The following FRMD4B variants were observed in gnomAD, a reference collection of about 807,000 sequenced individuals.
FRMD4B encodes FERM domain-containing protein 4B.
In FRMD4B, 74 loss-of-function variants were observed where a neutral mutation model predicts 141.5. That is an observed-to-expected ratio of 0.52 (90% confidence interval 0.43 to 0.63). The LOEUF is 0.63. Among genes scored for constraint, FRMD4B ranks in the 30% least tolerant of loss-of-function variants. FRMD4B has a pLI of 0.00. For missense variants in FRMD4B, 1,366 were observed against 1,253.4 expected, an observed-to-expected ratio of 1.09 and a Z score of -1.36; for synonymous variants, 506 against 467.9, an observed-to-expected ratio of 1.08 and a Z score of -1.05.
chr3:69,300,003 A>G (rs1376369847), intron 4 of FRMD4B, among the ~76,000 whole-genome samples: 2 of 152,180 alleles, frequency 1.3e-5, no homozygotes, highest in African/African-American at 4.8e-5. Flanking sequence ...TCTATTCTTC[A>G]GTCAAACAGG....
chr3:69,216,325 G>A lies in FRMD4B; in HGVS notation c.814C>T (p.Leu272Phe), dbSNP rs146672127. Residue 272 changes from leucine to phenylalanine, a missense_variant, in exon 11 of 23, where the codon CTT becomes TTT. By Grantham distance (22) the Leu-to-Phe change is conservative. Transcript: ENST00000398540. ...VKDKQGLPWW[L>F]GISYKGIGQY... is the part of the protein sequence containing the mutation. The stretch of plus-strand genomic sequence containing the variant: ...CCAATTCCCTTATAGCTTATTCCAA[G>A]CCACCAAGGAAGTCCTTGCTTATCC... 6.4e-7 allele frequency: 1 copy of A among 1,568,882 alleles called. No individual in the cohort carries two copies. The highest frequency in any genetic ancestry group is 1.2e-5 in the South Asian group (1 of 86,264).
At chr3:69,291,571 A>G (rs1700876084) in intron 4 of FRMD4B, among the ~76,000 whole-genome samples, 1 of 152,154 alleles carries the variant, frequency 6.6e-6, no homozygotes, top group Non-Finnish European at 1.5e-5. Flanking sequence ...TTTCTGCTCT[A>G]CTAAAACTCC....
chr3:69,296,468 A>G (rs551479300), intron 4 of FRMD4B, among the ~76,000 whole-genome samples: 1 of 152,294 alleles, frequency 6.6e-6, no homozygotes, highest in East Asian at 1.9e-4. Context: ...GAAGGCCATT[A>G]AACGCCTGCC....
chr3:69,359,775 G>A (rs1226112916), intron 1 of FRMD4B, among the ~76,000 whole-genome samples: 4 of 152,190 alleles, frequency 2.6e-5, no homozygotes, highest in African/African-American at 4.8e-5. Flanking sequence ...CATAAGGCAC[G>A]TGCAGTTTTT....
chr3:69,496,496 T>C (rs1035291523), intron 1 of FRMD4B, among the ~76,000 whole-genome samples: 3 of 152,230 alleles, frequency 2.0e-5, no homozygotes, highest in African/African-American at 7.2e-5. Flanking sequence ...AGACACATGC[T>C]CTTTTTTGTT....
rs1009697494 is a variant in FRMD4B at position 69,438,790 on chromosome 3, C to T, written c.-128-6029G>A. 2.6e-5 allele frequency among the ~76,000 whole-genome samples: 4 copies of T among 152,176 alleles called. No homozygotes were observed. In the East Asian group the frequency reaches 7.7e-4, roughly 29 times the overall value. On this transcript the variant is annotated intron_variant, in intron 1 of 5. Coordinates refer to the FRMD4B transcript ENST00000459638. The stretch of plus-strand genomic sequence containing the variant: ...CCATCCTCACCCTTCCACTCATCCC[C>T]ATTCACTGTATATTCAGCAGCCAAA...
rs1346256060 is a variant in FRMD4B at position 69,196,990 on chromosome 3, T to C, written c.1002A>G (p.Gln334=). ...RTFGQSGLFV[Q]TWYANSSLIK... Reference sequence around the variant, plus strand: ...TGAGAGAAGAGTTAGCATACCATGTTTGCACAAACAAGCCACTTTGCCCAA... The same window carrying C: ...TGAGAGAAGAGTTAGCATACCATGTCTGCACAAACAAGCCACTTTGCCCAA... Residue 334 remains glutamine (Q), a synonymous_variant, in exon 13 of 23, where the codon CAA becomes CAG. Coordinates refer to ENST00000398540, the MANE Select transcript of FRMD4B (RefSeq NM_015123.3). 1.9e-6 allele frequency: 3 copies of C among 1,606,764 alleles called. No individual in the cohort carries two copies. Among genetic ancestry groups the C allele is most frequent in the African/African-American group, 2.7e-5 (2 of 74,786 alleles).
intron 1 of FRMD4B, among the ~76,000 whole-genome samples, chr3:69,355,887 T>C (rs932818431): frequency 6.6e-6 from 1 of 152,040 alleles, no homozygotes; most frequent in Non-Finnish European, 1.5e-5. Flanking sequence ...TAGCCAGGTG[T>C]GGTGGCCGGC....
chr3:69,358,682 G>C (rs1703391470), intron 1 of FRMD4B, among the ~76,000 whole-genome samples: 2 of 152,184 alleles, frequency 1.3e-5, no homozygotes, highest in African/African-American at 4.8e-5. Context: ...GCTGCAGTGA[G>C]CCAAGACTCT....
At chr3:69,194,783 A>C (rs1208820373) in intron 16 of FRMD4B, among the ~76,000 whole-genome samples, 1 of 152,206 alleles carries the variant, frequency 6.6e-6, no homozygotes, top group East Asian at 1.9e-4. Context: ...CTGACTCTCA[A>C]ATGAGAAACA....
At chr3:69,386,663 T>A (rs1704264746), upstream of FRMD4B, among the ~76,000 whole-genome samples, 1 of 152,144 alleles carries the variant, frequency 6.6e-6, no homozygotes, top group Non-Finnish European at 1.5e-5. Flanking sequence ...AAGCAGGAGA[T>A]GAAGGCAACA....
chr3:69,358,517 C>G (rs1334861186), intron 1 of FRMD4B, among the ~76,000 whole-genome samples: 1 of 152,156 alleles, frequency 6.6e-6, no homozygotes, highest in Non-Finnish European at 1.5e-5. Flanking sequence ...AAACAGATTG[C>G]TTGAGTTCAG....
chr3:69,467,085 T>C (rs943119998), intron 1 of FRMD4B, among the ~76,000 whole-genome samples: 3 of 152,168 alleles, frequency 2.0e-5, no homozygotes, highest in African/African-American at 7.2e-5. Flanking sequence ...ACATGCTTAT[T>C]TGTCTCCATC....
intron 4 of FRMD4B, among the ~76,000 whole-genome samples, chr3:69,293,698 T>C (rs576489806): frequency 8.6e-5 from 13 of 152,000 alleles, no homozygotes; most frequent in African/African-American, 3.1e-4. Context: ...CTGGCCATCA[T>C]GGTAAAAACT....
At chr3:69,368,070 C>A (rs922947) in intron 1 of FRMD4B, among the ~76,000 whole-genome samples, 143,283 of 152,244 alleles carry the variant, frequency 0.94, 68,064 homozygotes, top group East Asian at 1. Flanking sequence ...TACCTCTTTT[C>A]GTGGCCAAGG....
chr3:69,497,712 A>G (rs1706425513), intron 1 of FRMD4B, among the ~76,000 whole-genome samples: 1 of 152,192 alleles, frequency 6.6e-6, no homozygotes, highest in Non-Finnish European at 1.5e-5. Context: ...AAGTGCCCTC[A>G]TGGAACTTTT....
At position 69,250,064 on chromosome 3, in the gene FRMD4B, C is replaced by T; in HGVS notation, c.537G>A (p.Lys179=). 1.2e-6 allele frequency: 2 copies of T among 1,611,074 alleles called. No homozygotes were observed. The highest frequency in any genetic ancestry group is 8.5e-7 in the Non-Finnish European group (1 of 1,177,242). The change falls in exon 6 of 23, where the codon AAG becomes AAA. Residue 179 remains lysine, a synonymous_variant. Transcript: ENST00000398540. ...TTACCTGTAAAATAAACGCTGCTAA[C>T]TTGAAGATGGTTTCGCTCTCTACTT... The part of the protein sequence containing the change: ...QIEVESETIF[K]LAAFILQEAK...
intron 11 of FRMD4B, among the ~76,000 whole-genome samples, chr3:69,211,627 A>T (rs907384099): frequency 6.6e-6 from 1 of 152,212 alleles, no homozygotes; most frequent in African/African-American, 2.4e-5. Context: ...TATTCTCAGT[A>T]AATTTCCCTT....
At chr3:69,472,089 A>G (rs1498837) in intron 1 of FRMD4B, 19,870 of 175,570 alleles carry the variant, frequency 0.11, 1,250 homozygotes, top group East Asian at 0.19. Flanking sequence ...AAAGTCTTCC[A>G]CTAGCTTCCA....
Sources: allele counts gnomAD v4.1 joint callset (sites outside exome capture counted in the v4.1 genomes callset), GRCh38; gene constraint gnomAD v4.1.1; transcripts MANE v1.5; gene names NCBI Gene and HGNC (gene_info 2026-07-23, HGNC 2026-07-21).